Variants in GPNMB observed in about 807,000 individuals in gnomAD.
GPNMB encodes transmembrane glycoprotein NMB.
Under a neutral mutation model 57.3 loss-of-function variants are expected in GPNMB, and 71 were observed. The ratio of observed to expected loss-of-function variants is 1.24; its 90% CI spans 1.02 to 1.51. The LOEUF is 1.51. Ranked by LOEUF, GPNMB falls within the 40% of genes most tolerant of loss-of-function variation. GPNMB has a pLI of 0.00. For missense variants in GPNMB, 677 were observed against 691.9 expected, an observed-to-expected ratio of 0.98 and a Z score of 0.24; for synonymous variants, 253 against 263.2, an observed-to-expected ratio of 0.96 and a Z score of 0.38.
At chr7:23,262,057 A>G (rs1312247539) in intron 6 of GPNMB, among the ~76,000 whole-genome samples, 2 of 152,144 alleles carry the variant, frequency 1.3e-5, no homozygotes, top group South Asian at 2.1e-4. Flanking sequence ...GACCAAGCCC[A>G]CGACGGTCCA....
chr7:23,264,424 G>A lies in GPNMB; in HGVS notation c.1019-2093G>A, dbSNP rs568053224. 6.3e-4 allele frequency among the ~76,000 whole-genome samples: 95 copies of A among 151,958 alleles called. 1 individual carries two copies. The Middle Eastern group carries it at 0.037, about 60-fold the overall frequency. ...GTCTTGCTCTGTTGCCCAGGCTGGA[G>A]TGCAGTAGTGCAATCTCAGCTCACT... On this transcript the variant is annotated intron_variant, in intron 6 of 10. Coordinates refer to ENST00000258733, the MANE Select transcript of GPNMB (RefSeq NM_002510.3).
intron 1 of GPNMB, chr7:23,250,956 G>T (rs537943357): frequency 5.9e-5 from 9 of 152,302 alleles, no homozygotes; most frequent in African/African-American, 2.2e-4. Context: ...TATGACTCAA[G>T]TGAATTTCCA....
intron 1 of GPNMB, chr7:23,247,725 C>G (rs898338210): frequency 3.3e-5 from 5 of 152,258 alleles, no homozygotes; most frequent in Admixed American, 2.0e-4. Flanking sequence ...GAGACGTGGG[C>G]CGCGCCCCGG....
chr7:23,253,452 C>T lies in GPNMB; in HGVS notation c.216C>T (p.Ser72=). 6.2e-7 allele frequency: 1 copy of T among 1,613,318 alleles called. No homozygotes were observed. Among genetic ancestry groups the T allele is most frequent in the East Asian group, 2.2e-5 (1 of 44,870 alleles). Residue 72 remains serine, a synonymous_variant, in exon 2 of 11, where the codon TCC becomes TCT. Coordinates refer to ENST00000258733, the MANE Select transcript of GPNMB (RefSeq NM_002510.3). Reference sequence around the variant, plus strand: ...GGGGAGACATGAGGTGGAAAAACTCCTGGAAGGGTAAGTCAAAAGATTCAA... The same window carrying T: ...GGGGAGACATGAGGTGGAAAAACTCTTGGAAGGGTAAGTCAAAAGATTCAA... The part of the protein sequence containing the change: ...WKRGDMRWKN[S]WKGGRVQAVL...
rs546475352 is a variant in GPNMB, at chr7:23,266,907, G to T, written c.1117+292G>T. On this transcript the variant is annotated intron_variant, in intron 7 of 10. Transcript: ENST00000258733. ...TCTGCAGCCCAGCCATCTGAATGGG[G>T]TATGTAGGGTAAAGGAAGGCTAGCA... is the stretch of plus-strand genomic sequence containing the variant. 6.6e-5 allele frequency among the ~76,000 whole-genome samples: 10 copies of T among 152,326 alleles called. No individual in the cohort carries two copies. In the South Asian group the frequency reaches 2.1e-3, roughly 32 times the overall value.
At chr7:23,269,006 C>G (rs1783134898) in intron 8 of GPNMB, among the ~76,000 whole-genome samples, 1 of 152,190 alleles carries the variant, frequency 6.6e-6, no homozygotes, top group South Asian at 2.1e-4. Flanking sequence ...CAGCTCCACC[C>G]CTGGCTGCTT....
chr7:23,260,784 G>T lies in GPNMB; in HGVS notation c.1018+11G>T, dbSNP rs377301691. ...CCACCCCTTCTTTAGGTAAGGTTTCGCAGTGATCTTTGAGGGAGGCTCCTT... is the reference window on the plus strand; with the variant it reads ...CCACCCCTTCTTTAGGTAAGGTTTCTCAGTGATCTTTGAGGGAGGCTCCTT... On this transcript the variant is annotated intron_variant, in intron 6 of 10. Coordinates refer to ENST00000258733, the MANE Select transcript of GPNMB (RefSeq NM_002510.3). 1.1e-5 allele frequency: 16 copies of T among 1,510,618 alleles called. No individual in the cohort carries two copies. Among genetic ancestry groups the T allele is most frequent in the Non-Finnish European group, 7.1e-6 (8 of 1,132,150 alleles). 93.6% of individuals were successfully genotyped at this position (1,510,618 alleles called of 1,614,324 possible).
chr7:23,260,432 T>C, intron 5 of GPNMB, 24 bp from the exon 6 acceptor site: 1 of 1,564,388 alleles, frequency 6.4e-7, no homozygotes. Flanking sequence ...CATTCTTTAT[T>C]TCTTTGGGGG....
intron 4 of GPNMB, among the ~76,000 whole-genome samples, 200 bp from the exon 5 acceptor site, chr7:23,259,780 A>T (rs1417239953): frequency 6.6e-6 from 1 of 152,200 alleles, no homozygotes; most frequent in African/African-American, 2.4e-5. Context: ...ATACAATTAC[A>T]TGTATACAAC....
At chr7:23,268,910 G>GA (rs1783132399) in intron 8 of GPNMB, among the ~76,000 whole-genome samples, 1 of 152,150 alleles carries the variant, frequency 6.6e-6, no homozygotes, top group South Asian at 2.1e-4. Flanking sequence ...CATCTAAGAA[G>GA]GCTGCCATGA....
intron 7 of GPNMB, among the ~76,000 whole-genome samples, chr7:23,267,057 A>G (rs532908187): frequency 6.6e-6 from 1 of 152,376 alleles, no homozygotes; most frequent in South Asian, 2.1e-4. Context: ...CCTAAGGCAT[A>G]CAACAGAGAA....
intron 9 of GPNMB, among the ~76,000 whole-genome samples, chr7:23,272,688 T>C (rs1783238248): frequency 6.6e-6 from 1 of 152,184 alleles, no homozygotes; most frequent in Non-Finnish European, 1.5e-5. Context: ...ATGAAGCACC[T>C]GCAATTCTTT....
chr7:23,267,505 C>T (rs1365157020), intron 7 of GPNMB, among the ~76,000 whole-genome samples: 1 of 152,154 alleles, frequency 6.6e-6, no homozygotes, highest in Non-Finnish European at 1.5e-5. Flanking sequence ...TATAAACCAA[C>T]AGCAGGAATT....
At chr7:23,273,343 A>C (rs375757517) in intron 9 of GPNMB, 178 bp from the exon 10 acceptor site, 5 of 574,632 alleles carry the variant, frequency 8.7e-6, no homozygotes, top group African/African-American at 5.7e-5. Flanking sequence ...TCATTCTCTA[A>C]ATAGAAGATA....
At chr7:23,269,535 A>G (rs1432465627) in intron 8 of GPNMB, among the ~76,000 whole-genome samples, 10 of 152,284 alleles carry the variant, frequency 6.6e-5, no homozygotes. Context: ...CTGCAAAAAC[A>G]GCTGCTGCTG....
chr7:23,249,795 C>G lies in GPNMB; in HGVS notation c.70+2868C>G, dbSNP rs535205135. Among the ~76,000 whole-genome samples, 9 of 151,728 alleles carry G rather than the reference C, an allele frequency of 5.9e-5. No individual in the cohort carries two copies. The South Asian group carries it at 1.9e-3, about 32-fold the overall frequency. ...CATGTGCAGATCTCTGTGAGAATAT[C>G]AGTTTTGTTTCTCTGGGATGCATGC... On this transcript the variant is annotated intron_variant, in intron 1 of 10. Transcript: ENST00000258733.
chr7:23,254,247 T>C lies in GPNMB; in HGVS notation c.302T>C (p.Ile101Thr). The change falls in exon 3 of 11, where the codon ATA becomes ACA. Residue 101 changes from isoleucine to threonine, a missense_variant. Ile to Thr is a moderately conservative substitution (Grantham distance 89). Coordinates refer to ENST00000258733, the MANE Select transcript of GPNMB (RefSeq NM_002510.3). ...GSNITFAVNL[I>T]FPRCQKEDAN... ...AATATAACATTTGCGGTGAACCTGA[T>C]ATTCCCTAGATGCCAAAAGGAAGAT... The C allele has an allele frequency of 6.2e-7, 1 of 1,613,884 alleles. No homozygotes were observed. Among genetic ancestry groups the C allele is most frequent in the Non-Finnish European group, 8.5e-7 (1 of 1,179,730 alleles).
chr7:23,263,597 A>C (rs112007021), intron 6 of GPNMB, among the ~76,000 whole-genome samples: 1 of 149,428 alleles, frequency 6.7e-6, no homozygotes, highest in East Asian at 2.0e-4. Context: ...GGGCGACAAG[A>C]GAGAAACTCT....
chr7:23,260,172 A>G (rs960251246), intron 5 of GPNMB, 34 bp downstream of exon 5: 2 of 1,607,168 alleles, frequency 1.2e-6, no homozygotes, highest in African/African-American at 2.7e-5. Context: ...AGGATGAGGC[A>G]CTTCATTCTG....
Sources: gnomAD v4.1 joint callset for allele counts (sites outside exome capture counted in the v4.1 genomes callset) on GRCh38, gnomAD v4.1.1 for gene constraint, MANE v1.5 for transcripts, NCBI Gene and HGNC (gene_info 2026-07-23, HGNC 2026-07-21) for gene names.